Variants in SCMH1 observed in about 807,000 individuals in gnomAD.
The protein encoded by SCMH1 is Scm polycomb group protein homolog 1.
A neutral mutation model predicts 70.8 loss-of-function variants in SCMH1; 37 were observed. That is an observed-to-expected ratio of 0.52 (90% confidence interval 0.40 to 0.69). The LOEUF (loss-of-function observed/expected upper bound fraction) is 0.69, where lower values mean the gene tolerates loss of function less well. SCMH1 is among the 30% of genes least tolerant of loss of function. The pLI is 0.00. For synonymous variants in SCMH1, 292 were observed against 307.4 expected, an observed-to-expected ratio of 0.95 and a Z score of 0.52; for missense variants, 607 against 827.3, an observed-to-expected ratio of 0.73 and a Z score of 3.27.
intron 1 of SCMH1, among the ~76,000 whole-genome samples, chr1:41,220,931 G>A (rs1325694818): frequency 6.6e-6 from 1 of 152,172 alleles, no homozygotes; most frequent in African/African-American, 2.4e-5. Flanking sequence ...AGAGAACACA[G>A]ATTATATCCT....
At chr1:41,165,714 T>G (rs180700479) in intron 2 of SCMH1, among the ~76,000 whole-genome samples, 6 of 152,078 alleles carry the variant, frequency 3.9e-5, no homozygotes, top group African/African-American at 1.4e-4. Context: ...TCAAGTCCTT[T>G]GCTTATTTTT....
chr1:41,096,645 A>ATAC (rs1182991953), intron 8 of SCMH1, among the ~76,000 whole-genome samples: 1 of 152,188 alleles, frequency 6.6e-6, no homozygotes, highest in Non-Finnish European at 1.5e-5. Flanking sequence ...CGGCAAAATG[A>ATAC]TACTCTTGAC....
chr1:41,179,014 T>G (rs1471234343), intron 2 of SCMH1, among the ~76,000 whole-genome samples: 1 of 151,710 alleles, frequency 6.6e-6, no homozygotes, highest in Non-Finnish European at 1.5e-5. Context: ...ATGTAAAAGA[T>G]CAGAAATTAT....
intron 1 of SCMH1, among the ~76,000 whole-genome samples, chr1:41,191,238 A>G (rs1651647328): frequency 6.6e-6 from 1 of 152,240 alleles, no homozygotes; most frequent in Admixed American, 6.5e-5. Context: ...TTTCCACTGT[A>G]GCTACTACAA....
At chr1:41,176,380 C>G (rs1032795286) in intron 2 of SCMH1, among the ~76,000 whole-genome samples, 1 of 152,160 alleles carries the variant, frequency 6.6e-6, no homozygotes, top group African/African-American at 2.4e-5. Context: ...GTTCATCTCA[C>G]AGGGGAGTGT....
intron 6 of SCMH1, among the ~76,000 whole-genome samples, chr1:41,119,257 C>T (rs1671291848): frequency 6.6e-6 from 1 of 152,076 alleles, no homozygotes; most frequent in Non-Finnish European, 1.5e-5. Context: ...AAAAGAGTTA[C>T]CACTCCATAC....
chr1:41,196,986 C>T (rs1013512166), intron 1 of SCMH1, among the ~76,000 whole-genome samples: 1 of 152,028 alleles, frequency 6.6e-6, no homozygotes, highest in Non-Finnish European at 1.5e-5. Flanking sequence ...GCAAAAAATA[C>T]CTACAATGAT....
chr1:41,139,562 G>A (rs900322628), intron 6 of SCMH1, among the ~76,000 whole-genome samples: 9 of 152,108 alleles, frequency 5.9e-5, no homozygotes, highest in East Asian at 5.8e-4. Flanking sequence ...CCTCTCAAAT[G>A]CTTCTAAATA....
At chr1:41,103,622 A>G (rs905156251) in intron 8 of SCMH1, among the ~76,000 whole-genome samples, 2 of 152,226 alleles carry the variant, frequency 1.3e-5, no homozygotes, top group African/African-American at 4.8e-5. Context: ...TATTCCCAAG[A>G]AAACAGTAAA....
chr1:41,227,539 G>T (rs916627876), intron 1 of SCMH1, among the ~76,000 whole-genome samples: 1 of 152,176 alleles, frequency 6.6e-6, no homozygotes, highest in Admixed American at 6.5e-5. Flanking sequence ...TGAAGTGCAT[G>T]GAGTATTACA....
At chr1:41,145,490 A>T (rs1222804393) in intron 5 of SCMH1, among the ~76,000 whole-genome samples, 1 of 152,186 alleles carries the variant, frequency 6.6e-6, no homozygotes, top group East Asian at 1.9e-4. Flanking sequence ...TGAAATCAGG[A>T]AATGTGAATC....
chr1:41,140,420 G>A (rs1329859878), intron 6 of SCMH1, among the ~76,000 whole-genome samples: 3 of 151,806 alleles, frequency 2.0e-5, no homozygotes, highest in African/African-American at 4.8e-5. Flanking sequence ...AGCCTCCCAC[G>A]TAGCTGGGAC....
At chr1:41,151,490 T>C (rs1178421107) in intron 5 of SCMH1, 124 bp downstream of exon 5, 3 of 619,680 alleles carry the variant, frequency 4.8e-6, no homozygotes, top group Admixed American at 2.7e-5. Flanking sequence ...GTTCTTCCCA[T>C]AGAAGTTTAT....
chr1:41,104,280 G>A (rs568737766), intron 8 of SCMH1, among the ~76,000 whole-genome samples: 2 of 152,212 alleles, frequency 1.3e-5, no homozygotes, highest in South Asian at 2.1e-4. Flanking sequence ...AATAAAGGAC[G>A]GATTTACCAG....
At chr1:41,226,284 A>G (rs928159701) in intron 1 of SCMH1, among the ~76,000 whole-genome samples, 1 of 152,232 alleles carries the variant, frequency 6.6e-6, no homozygotes, top group African/African-American at 2.4e-5. Flanking sequence ...CTTTCACCAC[A>G]TATCATTTAA....
intron 5 of SCMH1, among the ~76,000 whole-genome samples, chr1:41,143,537 A>T (rs1008161490): frequency 8.5e-5 from 13 of 152,224 alleles, no homozygotes; most frequent in African/African-American, 3.1e-4. Context: ...CAGACTATTG[A>T]GGGTTAATTT....
intron 10 of SCMH1, among the ~76,000 whole-genome samples, chr1:41,060,042 T>G (rs970662638): frequency 1.9e-4 from 28 of 147,428 alleles, no homozygotes; most frequent in Non-Finnish European, 7.4e-5. Context: ...ATTCAAGAAC[T>G]GTGGGATAAC....
chr1:41,035,508 G>C (rs1271264735), intron 13 of SCMH1, among the ~76,000 whole-genome samples: 2 of 152,074 alleles, frequency 1.3e-5, no homozygotes, highest in Admixed American at 1.3e-4. Flanking sequence ...GACTAGTCCA[G>C]TCTATCAGCG....
intron 5 of SCMH1, among the ~76,000 whole-genome samples, chr1:41,146,868 T>C (rs915565898): frequency 2.0e-5 from 3 of 152,162 alleles, no homozygotes; most frequent in Non-Finnish European, 2.9e-5. Context: ...GAGCAGAAGT[T>C]CTTAATTTTG....
Sources: gnomAD v4.1 joint callset for allele counts (sites outside exome capture counted in the v4.1 genomes callset) on GRCh38, gnomAD v4.1.1 for gene constraint, MANE v1.5 for transcripts, NCBI Gene and HGNC (gene_info 2026-07-23, HGNC 2026-07-21) for gene names.